ARHGAP15: variants seen among roughly 807,000 people sequenced by gnomAD.
ARHGAP15 encodes the protein Rho GTPase activating protein 15, also known as rho GTPase-activating protein 15.
Under a neutral mutation model 63.7 loss-of-function variants are expected in ARHGAP15, and 51 were observed. The ratio of observed to expected loss-of-function variants is 0.80; its 90% CI spans 0.64 to 1.01. The LOEUF (loss-of-function observed/expected upper bound fraction) is 1.01, where lower values mean the gene tolerates loss of function less well. Among genes scored for constraint, ARHGAP15 ranks in the 50% least tolerant of loss-of-function variants. The pLI is 0.00. For synonymous variants in ARHGAP15, 191 were observed against 193.8 expected, an observed-to-expected ratio of 0.99 and a Z score of 0.12; for missense variants, 560 against 564.6, an observed-to-expected ratio of 0.99 and a Z score of 0.08.
In ARHGAP15 at chr2:143,709,257, G is replaced by T. The variant is rs959585698; in HGVS notation, c.1244+5733G>T. ...CCAAAACAATCTCAAATTTGTGAGG[G>T]GGGTGTAAGGACTCAAAAGAACTTT... is the stretch of plus-strand genomic sequence containing the variant. On this transcript the variant is annotated intron_variant, in intron 13 of 13. Transcript: ENST00000295095. 1.3e-3 allele frequency among the ~76,000 whole-genome samples: 198 copies of T among 152,260 alleles called. 2 individuals carry two copies. The highest frequency in any genetic ancestry group is 8.8e-5 in the Non-Finnish European group (6 of 68,030).
chr2:143,410,396 G>A (rs1033186819), intron 6 of ARHGAP15, among the ~76,000 whole-genome samples: 8 of 152,102 alleles, frequency 5.3e-5, no homozygotes, highest in African/African-American at 1.4e-4. Context: ...ACCAGGCTAC[G>A]TGATTGTCTA....
intron 3 of ARHGAP15, among the ~76,000 whole-genome samples, chr2:143,210,113 A>G (rs942192005): frequency 6.6e-6 from 1 of 152,312 alleles, no homozygotes; most frequent in Middle Eastern, 3.4e-3. Flanking sequence ...ATTGAAGTCC[A>G]GTGACAGGCA....
chr2:143,470,914 GTATGTGTA>G (rs1272674872), intron 8 of ARHGAP15, among the ~76,000 whole-genome samples: 2 of 148,316 alleles, frequency 1.3e-5, no homozygotes, highest in Non-Finnish European at 3.0e-5. Context: ...ATATATACAC[GTATGTGTA>G]TATGTGTATA....
chr2:143,637,382 C>T (rs1035484629), intron 12 of ARHGAP15, among the ~76,000 whole-genome samples: 1 of 152,016 alleles, frequency 6.6e-6, no homozygotes, highest in Non-Finnish European at 1.5e-5. Context: ...CATTTTCTCT[C>T]TCAGATAAGT....
At chr2:143,422,637 A>G (rs1461662648) in intron 6 of ARHGAP15, among the ~76,000 whole-genome samples, 1 of 152,162 alleles carries the variant, frequency 6.6e-6, no homozygotes, top group Non-Finnish European at 1.5e-5. Flanking sequence ...AGATATTCTT[A>G]TAACTATGGT....
At chr2:143,148,702 T>C (rs534944874) in intron 1 of ARHGAP15, among the ~76,000 whole-genome samples, 1 of 152,002 alleles carries the variant, frequency 6.6e-6, no homozygotes, top group Non-Finnish European at 1.5e-5. Flanking sequence ...CCAAAGACAA[T>C]GTTACCCAAT....
At chr2:143,438,351 T>TAC (rs1689710041) in intron 8 of ARHGAP15, among the ~76,000 whole-genome samples, 6 of 152,104 alleles carry the variant, frequency 3.9e-5, no homozygotes, top group Admixed American at 3.3e-4. Flanking sequence ...TATATGTATA[T>TAC]ACACATACAT....
intron 1 of ARHGAP15, among the ~76,000 whole-genome samples, chr2:143,147,444 C>T (rs1689635600): frequency 6.6e-6 from 1 of 151,988 alleles, no homozygotes; most frequent in Non-Finnish European, 1.5e-5. Flanking sequence ...TTACTTATGC[C>T]CCTTATGGCT....
At chr2:143,482,834 A>G (rs1196467670) in intron 8 of ARHGAP15, among the ~76,000 whole-genome samples, 1 of 152,210 alleles carries the variant, frequency 6.6e-6, no homozygotes, top group Non-Finnish European at 1.5e-5. Context: ...AAAGTATGCT[A>G]TATATTATAG....
chr2:143,296,630 A>AT (rs944748829), intron 6 of ARHGAP15, among the ~76,000 whole-genome samples: 10 of 151,984 alleles, frequency 6.6e-5, no homozygotes, highest in African/African-American at 2.4e-4. Context: ...ACCAGCTCTG[A>AT]TTTTAATAAA....
chr2:143,329,631 T>C (rs1684415269), intron 6 of ARHGAP15, among the ~76,000 whole-genome samples: 1 of 152,170 alleles, frequency 6.6e-6, no homozygotes, highest in Non-Finnish European at 1.5e-5. Flanking sequence ...AGAAATACTG[T>C]GTTTTGAGCT....
chr2:143,360,010 A>AT (rs942910775), intron 6 of ARHGAP15, among the ~76,000 whole-genome samples: 9 of 152,136 alleles, frequency 5.9e-5, no homozygotes, highest in African/African-American at 1.9e-4. Context: ...AGTTAATGTG[A>AT]TTTTTGTTCT....
intron 1 of ARHGAP15, among the ~76,000 whole-genome samples, chr2:143,139,019 G>C (rs78479820): frequency 0.019 from 2,902 of 151,780 alleles, 86 homozygotes; most frequent in African/African-American, 0.065. Flanking sequence ...TCTTCTTTTT[G>C]GTCTCTCTTT....
At chr2:143,531,116 A>ATGTGTGTGTGCGTGCG (rs1553497427) in intron 10 of ARHGAP15, among the ~76,000 whole-genome samples, 76 of 27,442 alleles carry the variant, frequency 2.8e-3, no homozygotes, top group Non-Finnish European at 5.2e-3. Flanking sequence ...CTGTGTGTGT[A>ATGTGTGTGTGCGTGCG]TGTGTGTGCG....
intron 1 of ARHGAP15, among the ~76,000 whole-genome samples, chr2:143,153,957 A>C (rs954622056): frequency 7.6e-5 from 11 of 145,306 alleles, no homozygotes; most frequent in Admixed American, 7.0e-4. Context: ...TTTGCAATTC[A>C]TCTATGTGGT....
intron 6 of ARHGAP15, among the ~76,000 whole-genome samples, chr2:143,398,229 C>T (rs1687855214): frequency 6.6e-6 from 1 of 152,066 alleles, no homozygotes; most frequent in Non-Finnish European, 1.5e-5. Context: ...TGTACCACCT[C>T]AGTTATGGGT....
At chr2:143,130,425 G>T (rs1016672842) in intron 1 of ARHGAP15, among the ~76,000 whole-genome samples, 6 of 152,088 alleles carry the variant, frequency 3.9e-5, no homozygotes, top group Admixed American at 3.9e-4. Flanking sequence ...CCCAAGATAT[G>T]ATCCATTCTT....
chr2:143,370,280 T>G (rs1313499769), intron 6 of ARHGAP15, among the ~76,000 whole-genome samples: 1 of 152,072 alleles, frequency 6.6e-6, no homozygotes. Context: ...TTGGCATGTC[T>G]TGCTTTTTCA....
intron 6 of ARHGAP15, among the ~76,000 whole-genome samples, chr2:143,422,139 A>G (rs1688949380): frequency 6.6e-6 from 1 of 152,098 alleles, no homozygotes; most frequent in Non-Finnish European, 1.5e-5. Flanking sequence ...TGTGGATGAA[A>G]CTCAGTGAAA....
Sources: gnomAD v4.1 joint callset for allele counts (sites outside exome capture counted in the v4.1 genomes callset) on GRCh38, gnomAD v4.1.1 for gene constraint, MANE v1.5 for transcripts, NCBI Gene and HGNC (gene_info 2026-07-23, HGNC 2026-07-21) for gene names.